GIMAP5: variants seen among roughly 807,000 people sequenced by gnomAD.
GIMAP5 encodes the protein GTPase IMAP family member 5.
GIMAP5 carries 8 observed loss-of-function variants against 9.9 expected under a neutral mutation model. That is an observed-to-expected ratio of 0.81 (90% confidence interval 0.47 to 1.45). The LOEUF is 1.45. GIMAP5 is among the 40% of genes most tolerant of loss of function. GIMAP5 has a pLI of 0.00. For missense variants in GIMAP5, 353 were observed against 367.4 expected, an observed-to-expected ratio of 0.96 and a Z score of 0.32; for synonymous variants, 174 against 151.4, an observed-to-expected ratio of 1.15 and a Z score of -1.09.
chr7:150,739,772 G>C (rs1189753393), intron 1 of GIMAP5: 1 of 151,870 alleles, frequency 6.6e-6, no homozygotes, highest in Non-Finnish European at 1.5e-5. Flanking sequence ...AAGGGAGGGA[G>C]GCAGGAAGCT....
Position 150,742,620 on chromosome 7 carries a change from C to T in GIMAP5, c.481C>T (p.Leu161=). 1 of 1,614,190 alleles carries T rather than the reference C, an allele frequency of 6.2e-7. No homozygotes were observed. The highest frequency in any genetic ancestry group is 8.5e-7 in the Non-Finnish European group (1 of 1,180,034). Residue 161 remains leucine, a synonymous_variant, in exon 3 of 3, where the codon CTG becomes TTG. Coordinates refer to ENST00000358647, the MANE Select transcript of GIMAP5 (RefSeq NM_018384.5). ...CAAAGAGGACTTAGGGGGCCAGGCC[C>T]TGGATGACTATGTAGCAAACACGGA... ...THKEDLGGQA[L]DDYVANTDNC... is the part of the protein sequence containing the mutation.
Position 150,740,865 on chromosome 7 carries a change from T to C in GIMAP5, c.-6-14T>C. On this transcript the variant is annotated splice_polypyrimidine_tract_variant and intron_variant, in intron 1 of 2. Transcript: ENST00000358647. Reference sequence around the variant, plus strand: ...GTACATCTGCTTTTTATCCTTTTCCTGTTTTTATTCCAGGAGAGAATGGGA... The same window carrying C: ...GTACATCTGCTTTTTATCCTTTTCCCGTTTTTATTCCAGGAGAGAATGGGA... The C allele has an allele frequency of 1.2e-6, 2 of 1,614,022 alleles. No individual in the cohort carries two copies. The highest frequency in any genetic ancestry group is 1.7e-6 in the Non-Finnish European group (2 of 1,179,896).
intron 2 of GIMAP5, among the ~76,000 whole-genome samples, chr7:150,741,774 G>T (rs1563374124): frequency 6.6e-6 from 1 of 152,212 alleles, no homozygotes. Context: ...AGTGTGCCTG[G>T]AAATGTGTGG....
chr7:150,742,124 T>C, intron 2 of GIMAP5, 59 bp from the exon 3 acceptor site: 1 of 1,552,560 alleles, frequency 6.4e-7, no homozygotes, highest in South Asian at 1.2e-5. Context: ...CCATGAACAA[T>C]GACCTAACAG....
chr7:150,743,545 G>T lies in GIMAP5; in HGVS notation c.*482G>T, dbSNP rs1797636911. The T allele has an allele frequency of 6.4e-6, 1 of 156,134 alleles. No individual in the cohort carries two copies. The highest frequency in any genetic ancestry group is 1.4e-5 in the Non-Finnish European group (1 of 70,548). The allele number at this position is 156,134 out of a possible 1,614,324, so 9.7% of individuals were successfully genotyped here. A position where few individuals can be genotyped will look rare whatever the true frequency, so the allele number is the denominator to read the frequency against. ...AGCCTGCCCTATCTCCGCATTTCCA[G>T]TTGTATTAGCCAATAGATTTCCTAC... On this transcript the variant is annotated 3_prime_UTR_variant, in exon 3 of 3. Coordinates refer to ENST00000358647, the MANE Select transcript of GIMAP5 (RefSeq NM_018384.5).
chr7:150,740,683 C>T (rs1290988633), intron 1 of GIMAP5, 196 bp from the exon 2 acceptor site: 9 of 559,626 alleles, frequency 1.6e-5, no homozygotes, highest in Non-Finnish European at 2.9e-5. Context: ...TTTAGCATAA[C>T]CTAACATCTA....
Position 150,742,427 on chromosome 7 carries a change from G to A in GIMAP5, c.288G>A (p.Leu96=). The A allele has an allele frequency of 6.2e-7, 1 of 1,614,154 alleles. No homozygotes were observed. Among genetic ancestry groups the A allele is most frequent in the Non-Finnish European group, 8.5e-7 (1 of 1,180,010 alleles). ...AGTCACAGGCCGATACCCAAGAGCT[G>A]TACAAGAACATCGGGGACTGCTACC... The part of the protein sequence containing the change: ...IFESQADTQE[L]YKNIGDCYLL... Residue 96 remains leucine, a synonymous_variant, in exon 3 of 3, where the codon CTG becomes CTA. Coordinates refer to ENST00000358647, the MANE Select transcript of GIMAP5 (RefSeq NM_018384.5).
Position 150,737,455 on chromosome 7 carries a change from C to A in GIMAP5, c.-260C>A. On this transcript the variant is annotated 5_prime_UTR_variant, in exon 1 of 3. Coordinates refer to ENST00000358647, the MANE Select transcript of GIMAP5 (RefSeq NM_018384.5). ...GCCAACACCAGGGTGTCCTAGTCCG[C>A]AGAGGTGTGGGGGACACACTCCATA... 1 of 1,426,176 alleles carries A rather than the reference C, an allele frequency of 7.0e-7. No homozygotes were observed. Among genetic ancestry groups the A allele is most frequent in the Non-Finnish European group, 9.5e-7 (1 of 1,048,306 alleles). The allele number at this position is 1,426,176 out of a possible 1,614,324, so 88.3% of individuals were successfully genotyped here.
chr7:150,742,643 G>A lies in GIMAP5; in HGVS notation c.504G>A (p.Thr168=), dbSNP rs763339553. ...CCCTGGATGACTATGTAGCAAACAC[G>A]GACAACTGCAGCCTGAAAGACCTGG... is the stretch of plus-strand genomic sequence containing the variant. ...GQALDDYVAN[T]DNCSLKDLVR... is the part of the protein sequence containing the mutation. Residue 168 remains threonine (T), a synonymous_variant, in exon 3 of 3, where the codon ACG becomes ACA. Coordinates refer to ENST00000358647, the MANE Select transcript of GIMAP5 (RefSeq NM_018384.5). 22 of 1,614,078 alleles carry A rather than the reference G, an allele frequency of 1.4e-5. 1 individual carries two copies. Among genetic ancestry groups the A allele is most frequent in the Admixed American group, 1.0e-4 (6 of 60,004 alleles).
chr7:150,742,331 G>A lies in GIMAP5; in HGVS notation c.192G>A (p.Arg64=). The A allele has an allele frequency of 1.2e-6, 2 of 1,614,194 alleles. No homozygotes were observed. The highest frequency in any genetic ancestry group is 2.2e-5 in the East Asian group (1 of 44,870). Residue 64 remains arginine, a synonymous_variant, in exon 3 of 3, where the codon AGG becomes AGA. Coordinates refer to ENST00000358647, the MANE Select transcript of GIMAP5 (RefSeq NM_018384.5). ...ESKLRAQSVT[R]TCQVKTGTWN... ...AGCTGAGGGCCCAGTCAGTGACCAG[G>A]ACGTGCCAGGTGAAAACAGGAACAT... is the stretch of plus-strand genomic sequence containing the variant.
Position 150,742,515 on chromosome 7 carries a change from C to T in GIMAP5, c.376C>T (p.Gln126Ter), listed in dbSNP as rs1429566514. 1.2e-6 allele frequency: 2 copies of T among 1,614,184 alleles called. No individual in the cohort carries two copies. Among genetic ancestry groups the T allele is most frequent in the Admixed American group, 1.7e-5 (1 of 60,030 alleles). ...GATCCAGCTGGGGCGTTTCACTGCTCAGGACACAGTGGCCATCAGGAAGGT... is the reference window on the plus strand; with the variant it reads ...GATCCAGCTGGGGCGTTTCACTGCTTAGGACACAGTGGCCATCAGGAAGGT... The part of the protein sequence containing the change: ...LVIQLGRFTA[Q>*]DTVAIRKVKE... Residue 126 changes from glutamine to a stop codon, truncating the protein, a stop_gained, in exon 3 of 3, where the codon CAG (glutamine) becomes TAG (stop). Coordinates refer to ENST00000358647, the MANE Select transcript of GIMAP5 (RefSeq NM_018384.5). LOFTEE classifies it high-confidence loss of function.
rs1342844507 is a variant in GIMAP5 at position 150,742,229 on chromosome 7, T to C, written c.90T>C (p.Ile30=). Residue 30 remains isoleucine, a synonymous_variant, in exon 3 of 3, where the codon ATT becomes ATC. Transcript: ENST00000358647. ...NLSATPPALR[I]ILVGKTGCGK... is the part of the protein sequence containing the mutation. ...CTGCAACACCACCGGCATTGAGGAT[T>C]ATCCTAGTGGGCAAAACAGGCTGCG... is the stretch of plus-strand genomic sequence containing the variant. The C allele has an allele frequency of 1.2e-6, 2 of 1,614,062 alleles. No homozygotes were observed. Among genetic ancestry groups the C allele is most frequent in the South Asian group, 1.1e-5 (1 of 91,078 alleles).
At position 150,742,917 on chromosome 7, in the gene GIMAP5, C is replaced by T. The variant is rs747265690; in HGVS notation, c.778C>T (p.Leu260=). The change falls in exon 3 of 3, where the codon CTG becomes TTG. Residue 260 remains leucine, a synonymous_variant. Coordinates refer to ENST00000358647, the MANE Select transcript of GIMAP5 (RefSeq NM_018384.5). ...GCAGGTGGAGAAGCACAAGCAAGAG[C>T]TGAGGGAGAACGAGAGTAACTGGGC... The part of the protein sequence containing the change: ...EWQVEKHKQE[L]RENESNWAYK... The T allele has an allele frequency of 8.7e-6, 14 of 1,614,108 alleles. No individual in the cohort carries two copies. The highest frequency in any genetic ancestry group is 1.2e-5 in the Non-Finnish European group (14 of 1,180,060).
chr7:150,742,821 C>T lies in GIMAP5; in HGVS notation c.682C>T (p.Gln228Ter). The part of the protein sequence containing the change: ...FHSNDLFLDA[Q>*]LLQRTGAGAC... Reference sequence around the variant, plus strand: ...CAGCAATGACCTCTTCTTGGATGCCCAGCTGCTCCAAAGAACTGGAGCTGG... The same window carrying T: ...CAGCAATGACCTCTTCTTGGATGCCTAGCTGCTCCAAAGAACTGGAGCTGG... Residue 228 changes from glutamine to a stop codon, truncating the protein, a stop_gained, in exon 3 of 3, where the codon CAG (glutamine) becomes TAG (stop). Transcript: ENST00000358647. LOFTEE classifies it low-confidence loss of function (END_TRUNC). The T allele has an allele frequency of 1.2e-6, 2 of 1,614,132 alleles. No homozygotes were observed. Among genetic ancestry groups the T allele is most frequent in the South Asian group, 2.2e-5 (2 of 91,068 alleles).
intron 1 of GIMAP5, chr7:150,738,939 G>T (rs890770970): frequency 6.6e-6 from 1 of 152,198 alleles, no homozygotes; most frequent in Non-Finnish European, 1.5e-5. Flanking sequence ...CCTCAATGCA[G>T]CCTGATCCAC....
Position 150,743,244 on chromosome 7 carries a change from C to T in GIMAP5, c.*181C>T, listed in dbSNP as rs764389671. On this transcript the variant is annotated 3_prime_UTR_variant, in exon 3 of 3. Transcript: ENST00000358647. ...TGTGCCTCCACTCCAAGGCTGCCTG[C>T]CTGCTGTAAACACTATTCCACTCTG... The T allele has an allele frequency of 6.3e-5, 47 of 740,358 alleles. No homozygotes were observed. Among genetic ancestry groups the T allele is most frequent in the Non-Finnish European group, 8.9e-5 (42 of 469,590 alleles). The allele number at this position is 740,358 out of a possible 1,614,324, so 45.9% of individuals were successfully genotyped here.
In GIMAP5 at chr7:150,737,640, G is replaced by C; in HGVS notation, c.-75G>C. The C allele has an allele frequency of 6.5e-7, 1 of 1,535,728 alleles. No individual in the cohort carries two copies. Among genetic ancestry groups the C allele is most frequent in the Non-Finnish European group, 8.7e-7 (1 of 1,146,902 alleles). On this transcript the variant is annotated 5_prime_UTR_variant, in exon 1 of 3. Coordinates refer to ENST00000358647, the MANE Select transcript of GIMAP5 (RefSeq NM_018384.5). ...CTCTCTGCTGCCACTTCACCTTCCTGAGAGAGGACCAGCGGCCAGAGCCTC... is the reference window on the plus strand; with the variant it reads ...CTCTCTGCTGCCACTTCACCTTCCTCAGAGAGGACCAGCGGCCAGAGCCTC...
At chr7:150,739,226 C>G (rs1398021243) in intron 1 of GIMAP5, 1 of 152,136 alleles carries the variant, frequency 6.6e-6, no homozygotes, top group Non-Finnish European at 1.5e-5. Flanking sequence ...ACACATGTTC[C>G]AAGAGGTTTG....
intron 2 of GIMAP5, among the ~76,000 whole-genome samples, chr7:150,741,932 A>G (rs1190537914): frequency 6.6e-6 from 1 of 152,254 alleles, no homozygotes; most frequent in African/African-American, 2.4e-5. Flanking sequence ...GCCACAATCC[A>G]GATGAAGTGC....
Sources: allele counts gnomAD v4.1 joint callset (sites outside exome capture counted in the v4.1 genomes callset), GRCh38; gene constraint gnomAD v4.1.1; transcripts MANE v1.5; gene names NCBI Gene and HGNC (gene_info 2026-07-23, HGNC 2026-07-21).